PRKG1: variants seen among roughly 807,000 people sequenced by gnomAD.
PRKG1 encodes protein kinase cGMP-dependent 1.
A neutral mutation model predicts 88.1 loss-of-function variants in PRKG1; 35 were observed. That is an observed-to-expected ratio of 0.40 (90% confidence interval 0.30 to 0.53). The LOEUF is 0.53. Among genes scored for constraint, PRKG1 ranks in the 20% least tolerant of loss-of-function variants. PRKG1 has a pLI of 0.59. For synonymous variants in PRKG1, 303 were observed against 292.5 expected (o/e 1.04, Z -0.37); for missense variants, 540 against 839.8 (o/e 0.64, Z 4.41).
At chr10:51,494,509 G>T (rs1344082738) in intron 3 of PRKG1, among the ~76,000 whole-genome samples, 1 of 152,188 alleles carries the variant, frequency 6.6e-6, no homozygotes, top group African/African-American at 2.4e-5. Flanking sequence ...GTGTCTGTTT[G>T]CCTCTTACTG....
chr10:51,588,689 A>G (rs1209080374), intron 3 of PRKG1, among the ~76,000 whole-genome samples: 1 of 152,202 alleles, frequency 6.6e-6, no homozygotes, highest in Non-Finnish European at 1.5e-5. Flanking sequence ...AAATAAACCA[A>G]TCTATGACTA....
chr10:51,751,567 T>C (rs1278134607), intron 3 of PRKG1, among the ~76,000 whole-genome samples: 1 of 152,190 alleles, frequency 6.6e-6, no homozygotes, highest in Non-Finnish European at 1.5e-5. Flanking sequence ...AATAATTTTA[T>C]GGCAGAAGTA....
chr10:52,269,349 A>G (rs1841658489), intron 10 of PRKG1, among the ~76,000 whole-genome samples: 1 of 152,082 alleles, frequency 6.6e-6, no homozygotes, highest in Non-Finnish European at 1.5e-5. Flanking sequence ...CTAATCTGTC[A>G]TCTTTGAGTT....
At chr10:51,326,777 G>T (rs1421038877) in intron 2 of PRKG1, among the ~76,000 whole-genome samples, 1 of 152,168 alleles carries the variant, frequency 6.6e-6, no homozygotes, top group African/African-American at 2.4e-5. Context: ...GATTATTTAA[G>T]TGCTGAATAC....
intron 1 of PRKG1, among the ~76,000 whole-genome samples, chr10:51,137,542 T>C (rs753964322): frequency 4.6e-5 from 7 of 152,142 alleles, no homozygotes; most frequent in African/African-American, 9.7e-5. Flanking sequence ...TACAGCAACT[T>C]GAATGCTATG....
chr10:51,808,885 T>C (rs927204392), intron 4 of PRKG1, among the ~76,000 whole-genome samples: 4 of 152,160 alleles, frequency 2.6e-5, no homozygotes, highest in African/African-American at 9.7e-5. Flanking sequence ...TAGGGGTCTC[T>C]GTTGTACATC....
chr10:52,200,995 CTGTAGG>C (rs1317036790), intron 9 of PRKG1, among the ~76,000 whole-genome samples: 1 of 152,122 alleles, frequency 6.6e-6, no homozygotes, highest in Non-Finnish European at 1.5e-5. Flanking sequence ...TTCTTCCATT[CTGTAGG>C]TTATCTGTTT....
chr10:51,154,020 A>G (rs370778373), intron 2 of PRKG1, among the ~76,000 whole-genome samples: 34 of 152,004 alleles, frequency 2.2e-4, no homozygotes, highest in African/African-American at 8.2e-4. Context: ...TAATGACTGA[A>G]TCAGCTTGGA....
chr10:51,549,077 C>A (rs1473774828), intron 3 of PRKG1, among the ~76,000 whole-genome samples: 1 of 148,574 alleles, frequency 6.7e-6, no homozygotes. Flanking sequence ...CCTTGGGATA[C>A]CAAGTTTCTT....
chr10:51,349,447 A>G (rs1230985447), intron 2 of PRKG1, among the ~76,000 whole-genome samples: 1 of 131,830 alleles, frequency 7.6e-6, no homozygotes, highest in Non-Finnish European at 1.6e-5. Flanking sequence ...CTTTGAGTTC[A>G]TATTGTTTGT....
At chr10:52,164,255 G>A (rs765216773) in intron 9 of PRKG1, among the ~76,000 whole-genome samples, 1 of 152,016 alleles carries the variant, frequency 6.6e-6, no homozygotes, top group African/African-American at 2.4e-5. Context: ...GGAGCCTGAG[G>A]CAGGAGAATC....
intron 3 of PRKG1, among the ~76,000 whole-genome samples, chr10:51,588,156 C>T (rs1838218727): frequency 6.6e-6 from 1 of 152,204 alleles, no homozygotes; most frequent in Non-Finnish European, 1.5e-5. Context: ...CCAGAAAACA[C>T]ATTTTGAATC....
At chr10:51,852,228 T>TATATATATAC (rs967267602) in intron 4 of PRKG1, among the ~76,000 whole-genome samples, 2 of 148,588 alleles carry the variant, frequency 1.3e-5, no homozygotes, top group African/African-American at 4.9e-5. Context: ...TATATATATA[T>TATATATATAC]ACACACACAC....
intron 2 of PRKG1, among the ~76,000 whole-genome samples, chr10:51,453,974 C>A (rs1212140538): frequency 6.6e-6 from 1 of 151,964 alleles, no homozygotes; most frequent in Non-Finnish European, 1.5e-5. Flanking sequence ...AGAGTCAAAT[C>A]AAAAACTCAA....
chr10:51,949,395 T>C (rs923203290), intron 5 of PRKG1, among the ~76,000 whole-genome samples: 1 of 151,914 alleles, frequency 6.6e-6, no homozygotes, highest in Non-Finnish European at 1.5e-5. Context: ...GGAGGATCAC[T>C]TGAGACCAGG....
At chr10:51,086,400 G>A (rs1051415286) in intron 1 of PRKG1, among the ~76,000 whole-genome samples, 1 of 152,180 alleles carries the variant, frequency 6.6e-6, no homozygotes, top group African/African-American at 2.4e-5. Flanking sequence ...TGTAGCCCAT[G>A]TCCTTTCCAA....
At chr10:51,543,585 TAAA>T (rs1842367536) in intron 3 of PRKG1, among the ~76,000 whole-genome samples, 1 of 152,204 alleles carries the variant, frequency 6.6e-6, no homozygotes, top group South Asian at 2.1e-4. Context: ...GCAGCAAAGC[TAAA>T]AGCAGCAGCC....
chr10:52,113,871 T>A (rs1188269510), intron 7 of PRKG1, among the ~76,000 whole-genome samples: 3 of 152,180 alleles, frequency 2.0e-5, no homozygotes, highest in Non-Finnish European at 4.4e-5. Flanking sequence ...TATTGAGCAC[T>A]GTCTTGTGAG....
chr10:51,690,926 C>CAAAAA (rs942329676), intron 3 of PRKG1, among the ~76,000 whole-genome samples: 9 of 37,730 alleles, frequency 2.4e-4, no homozygotes, highest in Non-Finnish European at 4.5e-4. Context: ...GACTCTGTCT[C>CAAAAA]AAAAAAAAAA....
Sources: gnomAD v4.1 joint callset for allele counts (sites outside exome capture counted in the v4.1 genomes callset) on GRCh38, gnomAD v4.1.1 for gene constraint, MANE v1.5 for transcripts, NCBI Gene and HGNC (gene_info 2026-07-23, HGNC 2026-07-21) for gene names.